Variants in ARHGEF7 observed in about 807,000 individuals in gnomAD.
ARHGEF7 encodes the protein Rho guanine nucleotide exchange factor 7.
In ARHGEF7, 33 loss-of-function variants were observed where a neutral mutation model predicts 109.8. The ratio of observed to expected loss-of-function variants is 0.30; its 90% CI spans 0.23 to 0.40. The LOEUF (loss-of-function observed/expected upper bound fraction) is 0.40, where lower values mean the gene tolerates loss of function less well. ARHGEF7 is among the 10% of genes least tolerant of loss of function. ARHGEF7 has a pLI of 1.00. For missense variants in ARHGEF7, 938 were observed against 1,098.5 expected (o/e 0.85, Z 2.07); for synonymous variants, 458 against 424.6 (o/e 1.08, Z -0.97).
intron 6 of ARHGEF7, among the ~76,000 whole-genome samples, chr13:111,242,271 A>C (rs1176053423): frequency 6.6e-6 from 1 of 152,184 alleles, no homozygotes; most frequent in African/African-American, 2.4e-5. Flanking sequence ...GCATTTACTC[A>C]GGAATGACTG....
intron 2 of ARHGEF7, among the ~76,000 whole-genome samples, chr13:111,175,272 G>T (rs1451062856): frequency 1.3e-5 from 2 of 152,212 alleles, no homozygotes; most frequent in Non-Finnish European, 2.9e-5. Flanking sequence ...CACTTGTATG[G>T]TTCAGAATGT....
intron 1 of ARHGEF7, among the ~76,000 whole-genome samples, chr13:111,120,445 GCA>G (rs1359535127): frequency 6.6e-6 from 1 of 151,894 alleles, no homozygotes. Context: ...GCACAAACAT[GCA>G]CATACGTAAA....
chr13:111,247,782 G>C (rs2089140385), intron 8 of ARHGEF7, among the ~76,000 whole-genome samples: 2 of 152,250 alleles, frequency 1.3e-5, no homozygotes, highest in South Asian at 4.1e-4. Flanking sequence ...TAATGGCTGT[G>C]TTTGTACTAC....
intron 5 of ARHGEF7, 38 bp from the exon 6 acceptor site, chr13:111,233,166 AG>A (rs777212102): frequency 6.5e-7 from 1 of 1,531,746 alleles, no homozygotes; most frequent in Non-Finnish European, 9.0e-7. Flanking sequence ...TGTCATCTTT[AG>A]TACTGATCAG....
At chr13:111,233,392 G>A (rs1449212185) in intron 6 of ARHGEF7, 99 bp downstream of exon 6, 4 of 959,804 alleles carry the variant, frequency 4.2e-6, no homozygotes, top group South Asian at 1.4e-5. Flanking sequence ...ATAGGAAGAA[G>A]GAAATAAAGT....
chr13:111,134,576 C>T (rs1414842248), intron 1 of ARHGEF7, among the ~76,000 whole-genome samples: 1 of 152,180 alleles, frequency 6.6e-6, no homozygotes, highest in Non-Finnish European at 1.5e-5. Context: ...TGTCTGTTGG[C>T]TGCATAAATG....
rs141545673 is a variant in ARHGEF7 at position 111,142,869 on chromosome 13, C to T, written c.166-11036C>T. On this transcript the variant is annotated intron_variant, in intron 1 of 21. Transcript: ENST00000646102. Reference sequence around the variant, plus strand: ...TGAAAACAGTTTCTTCCTAGGTGGCCGGGTTCAGTCTTCTCTTAGGTGGCT... The same window carrying T: ...TGAAAACAGTTTCTTCCTAGGTGGCTGGGTTCAGTCTTCTCTTAGGTGGCT... Among the ~76,000 whole-genome samples, 745 of 152,338 alleles carry T rather than the reference C, an allele frequency of 4.9e-3. 7 individuals are homozygous for T. Among genetic ancestry groups the T allele is most frequent in the African/African-American group, 0.017 (708 of 41,564 alleles).
intron 1 of ARHGEF7, 167 bp from the exon 2 acceptor site, chr13:111,153,738 G>A: frequency 1.5e-6 from 2 of 1,338,484 alleles, no homozygotes; most frequent in Non-Finnish European, 1.9e-6. Flanking sequence ...AGAAGCAGCG[G>A]CTGAGCGGGT....
At chr13:111,208,284 C>T (rs569588680) in intron 3 of ARHGEF7, among the ~76,000 whole-genome samples, 20 of 152,184 alleles carry the variant, frequency 1.3e-4, no homozygotes, top group Admixed American at 1.0e-3. Flanking sequence ...AGGTGATCCA[C>T]CAGCCTCTGC....
At chr13:111,176,945 C>T (rs1041942387) in intron 2 of ARHGEF7, among the ~76,000 whole-genome samples, 10 of 152,170 alleles carry the variant, frequency 6.6e-5, no homozygotes, top group Non-Finnish European at 1.0e-4. Context: ...TTAATAGAGA[C>T]GGGGCTTCAC....
chr13:111,271,582 A>G (rs758618756), intron 9 of ARHGEF7, among the ~76,000 whole-genome samples: 21 of 152,200 alleles, frequency 1.4e-4, no homozygotes, highest in Non-Finnish European at 2.9e-4. Context: ...ACAAAGTTAC[A>G]GACAAAAGAT....
intron 1 of ARHGEF7, among the ~76,000 whole-genome samples, chr13:111,136,784 C>CA (rs1442051263): frequency 6.6e-6 from 1 of 152,046 alleles, no homozygotes; most frequent in African/African-American, 2.4e-5. Context: ...AAAAACCCTT[C>CA]AAAAAATCAA....
In ARHGEF7 at chr13:111,200,530, TG is replaced by T; in HGVS notation, c.253-4758del. Among the ~76,000 whole-genome samples, 3 of 152,200 alleles carry T rather than the reference TG, an allele frequency of 2.0e-5. 1 individual carries two copies. Among genetic ancestry groups the T allele is most frequent in the Middle Eastern group, 3.4e-3 (1 of 294 alleles). On this transcript the variant is annotated intron_variant, in intron 2 of 21. Coordinates refer to ENST00000646102, the MANE Select transcript of ARHGEF7 (RefSeq NM_001354046.2). Reference sequence around the variant, plus strand: ...ACTGGAAGTGACTTTAGAGGTTAGCTGATTCAGCTTCTCTCCCTTCCCAGGT... The same window carrying T: ...ACTGGAAGTGACTTTAGAGGTTAGCTATTCAGCTTCTCTCCCTTCCCAGGT...
chr13:111,182,383 G>C (rs2078835997), intron 2 of ARHGEF7: 1 of 152,458 alleles, frequency 6.6e-6, no homozygotes, highest in African/African-American at 2.4e-5. Flanking sequence ...GTAAAAGCTT[G>C]TCTGCATGTG....
chr13:111,134,747 T>C (rs1282247990), intron 1 of ARHGEF7, among the ~76,000 whole-genome samples: 3 of 152,128 alleles, frequency 2.0e-5, no homozygotes, highest in South Asian at 2.1e-4. Context: ...GTAGGTTGCC[T>C]GTTCACTCTG....
At chr13:111,126,766 C>T (rs1449624457) in intron 1 of ARHGEF7, among the ~76,000 whole-genome samples, 1 of 152,166 alleles carries the variant, frequency 6.6e-6, no homozygotes, top group Non-Finnish European at 1.5e-5. Flanking sequence ...AACCTGGAGT[C>T]ATAAGCACAC....
chr13:111,178,242 G>T (rs1239379713), intron 2 of ARHGEF7, among the ~76,000 whole-genome samples: 1 of 152,182 alleles, frequency 6.6e-6, no homozygotes, highest in African/African-American at 2.4e-5. Flanking sequence ...GTTCCCTTAT[G>T]TCCTGGGAAC....
intron 1 of ARHGEF7, among the ~76,000 whole-genome samples, chr13:111,115,945 G>A (rs2153301271): frequency 6.6e-6 from 1 of 151,876 alleles, no homozygotes; most frequent in South Asian, 2.1e-4. Flanking sequence ...CCCCGGGAAG[G>A]AGAGTGCACC....
At chr13:111,177,991 G>A (rs2153425286) in intron 2 of ARHGEF7, among the ~76,000 whole-genome samples, 1 of 152,286 alleles carries the variant, frequency 6.6e-6, no homozygotes, top group East Asian at 1.9e-4. Flanking sequence ...CCATGCGCAG[G>A]GAATTCTGTG....
Sources: allele counts gnomAD v4.1 joint callset (sites outside exome capture counted in the v4.1 genomes callset), GRCh38; gene constraint gnomAD v4.1.1; transcripts MANE v1.5; gene names NCBI Gene and HGNC (gene_info 2026-07-23, HGNC 2026-07-21).